The following TENM2 variants were observed in gnomAD, a reference collection of about 807,000 sequenced individuals.
TENM2 encodes the protein teneurin transmembrane protein 2.
TENM2 carries 52 observed loss-of-function variants against 245.2 expected under a neutral mutation model. That is an observed-to-expected ratio of 0.21 (90% CI 0.17 to 0.27). TENM2 has a LOEUF of 0.27. TENM2 is among the 10% of genes least tolerant of loss of function. The pLI, the probability that TENM2 is intolerant of heterozygous loss-of-function variation, is 1.00. For missense variants in TENM2, 3,046 were observed against 3,666.8 expected (o/e 0.83, Z 4.37); for synonymous variants, 1,363 against 1,438.9 (o/e 0.95, Z 1.19).
the TENM2 span, among the ~76,000 whole-genome samples, chr5:167,121,611 G>T: frequency 6.6e-6 from 1 of 152,310 alleles, no homozygotes; most frequent in Admixed American, 6.5e-5. Context: ...GGAGTCTTAG[G>T]GTCTTGCTCA....
chr5:167,927,755 G>A (rs1007169338), intron 3 of TENM2, among the ~76,000 whole-genome samples: 2 of 152,120 alleles, frequency 1.3e-5, no homozygotes, highest in Non-Finnish European at 2.9e-5. Context: ...GAGTGAGGTT[G>A]GTGTCAGGAA....
intron 2 of TENM2, among the ~76,000 whole-genome samples, chr5:167,690,583 G>A (rs761940524): frequency 1.8e-4 from 27 of 152,130 alleles, no homozygotes; most frequent in Non-Finnish European, 2.8e-4. Flanking sequence ...CTGTGAATTA[G>A]TTATCCAGGC....
At position 168,010,411 on chromosome 5, in the gene TENM2, T is replaced by G. The variant is rs574732250; in HGVS notation, c.1186+17229T>G. On this transcript the variant is annotated intron_variant, in intron 5 of 28. Coordinates refer to ENST00000518659, the Ensembl canonical transcript of TENM2. ...ATGGGTAAAATTGTAAGAGAACAGC[T>G]TACACGGTTCTTGCAAACCAACTTG... Among the ~76,000 whole-genome samples, 9 of 152,370 alleles carry G rather than the reference T, an allele frequency of 5.9e-5. No homozygotes were observed. In the East Asian group the frequency reaches 1.7e-3, roughly 29 times the overall value.
intron 5 of TENM2, among the ~76,000 whole-genome samples, chr5:168,031,487 G>A (rs1787136550): frequency 1.3e-5 from 2 of 152,130 alleles, no homozygotes; most frequent in Admixed American, 6.5e-5. Context: ...TGTGTGTCAA[G>A]CACTGAGATA....
intron 1 of TENM2, among the ~76,000 whole-genome samples, chr5:167,362,923 T>G (rs1398221060): frequency 6.6e-6 from 1 of 151,930 alleles, no homozygotes; most frequent in Admixed American, 6.6e-5. Context: ...GACTTATTGG[T>G]GTGTGTGTGT....
chr5:167,821,181 G>GTTTT (rs908023879), intron 2 of TENM2: 1 of 152,136 alleles, frequency 6.6e-6, no homozygotes, highest in African/African-American at 2.4e-5. Context: ...GTTTTGTTTT[G>GTTTT]TTTTGTTTTC....
chr5:167,829,079 G>A (rs1426118093), intron 2 of TENM2, among the ~76,000 whole-genome samples: 1 of 152,212 alleles, frequency 6.6e-6, no homozygotes, highest in Non-Finnish European at 1.5e-5. Flanking sequence ...CAGGTCAGGA[G>A]CAGTGGATTG....
chr5:167,507,550 G>A lies in TENM2; in HGVS notation c.502+132077G>A, dbSNP rs1179381346. On this transcript the variant is annotated intron_variant, in intron 2 of 28. Coordinates refer to ENST00000518659, the Ensembl canonical transcript of TENM2. ...TGTCACCACCACACACCTTCAATTC[G>A]AGATGAATGTAGGCTTCACATCACT... is the stretch of plus-strand genomic sequence containing the variant. Among the ~76,000 whole-genome samples, 4 of 152,084 alleles carry A rather than the reference G, an allele frequency of 2.6e-5. No homozygotes were observed. The South Asian group carries it at 6.2e-4, about 24-fold the overall frequency.
intron 15 of TENM2, 121 bp downstream of exon 17, chr5:168,195,416 T>C: frequency 1.4e-5 from 16 of 1,129,006 alleles, no homozygotes; most frequent in Non-Finnish European, 1.9e-5. Flanking sequence ...CCACCAGGCC[T>C]GTCCCCTAGT....
chr5:166,984,034 G>T, the TENM2 span, among the ~76,000 whole-genome samples: 31 of 152,058 alleles, frequency 2.0e-4, no homozygotes, highest in Non-Finnish European at 4.4e-4. Flanking sequence ...CTGCTCTGTT[G>T]ACTAAATTAT....
chr5:167,932,703 A>C (rs777159768), intron 3 of TENM2, among the ~76,000 whole-genome samples: 29 of 152,064 alleles, frequency 1.9e-4, no homozygotes, highest in Non-Finnish European at 3.5e-4. Context: ...TCCTATGAAG[A>C]TCCAGATAGA....
At position 168,060,885 on chromosome 5, in the gene TENM2, C is replaced by A. The variant is rs148334246; in HGVS notation, c.1310-1175C>A. 5.3e-3 allele frequency among the ~76,000 whole-genome samples: 802 copies of A among 152,280 alleles called. 6 individuals are homozygous for A. Among genetic ancestry groups the A allele is most frequent in the African/African-American group, 0.016 (662 of 41,550 alleles). ...GTTTAGGCCAGTCTTTAGCAATTTT[C>A]TCATTTCTCAGGATCATCTGAAACC... is the stretch of plus-strand genomic sequence containing the variant. On this transcript the variant is annotated intron_variant, in intron 6 of 28. Coordinates refer to ENST00000518659, the Ensembl canonical transcript of TENM2.
At chr5:168,194,062 G>A (rs756035715) in intron 14 of TENM2, among the ~76,000 whole-genome samples, 9 of 152,188 alleles carry the variant, frequency 5.9e-5, no homozygotes, top group Non-Finnish European at 1.2e-4. Context: ...AGGACACCCA[G>A]GAATGCAAAA....
At chr5:167,295,006 T>C (rs921428854) in intron 1 of TENM2, among the ~76,000 whole-genome samples, 2 of 152,188 alleles carry the variant, frequency 1.3e-5, no homozygotes, top group East Asian at 1.9e-4. Flanking sequence ...GTTATTGTTG[T>C]TATTATTCTC....
chr5:167,747,456 A>G (rs138773165), intron 2 of TENM2, among the ~76,000 whole-genome samples: 15 of 152,320 alleles, frequency 9.8e-5, no homozygotes, highest in Non-Finnish European at 1.9e-4. Flanking sequence ...ATGCTGAAAG[A>G]GCCATTTCTA....
Position 167,350,940 on chromosome 5 carries a change from G to T in TENM2, c.227-24258G>T. On this transcript the variant is annotated intron_variant, in intron 1 of 28. Transcript: ENST00000518659. ...GATATATACATATGGATATATATAT[G>T]GGATATATACATATGGATATATATA... Among the ~76,000 whole-genome samples the T allele has an allele frequency of 2.7e-5, 2 of 74,358 alleles. 1 individual carries two copies. The highest frequency in any genetic ancestry group is 5.8e-5 in the Non-Finnish European group (2 of 34,504). 48.8% of individuals were successfully genotyped at this position (74,358 alleles called of 152,430 possible).
At chr5:167,384,501 A>G (rs920781230) in intron 2 of TENM2, among the ~76,000 whole-genome samples, 3 of 152,176 alleles carry the variant, frequency 2.0e-5, no homozygotes, top group Non-Finnish European at 1.5e-5. Context: ...ATGGGAATAT[A>G]GTGATTTGAT....
chr5:167,964,592 A>G (rs1347093026), intron 4 of TENM2, among the ~76,000 whole-genome samples: 1 of 152,234 alleles, frequency 6.6e-6, no homozygotes, highest in Non-Finnish European at 1.5e-5. Context: ...CAGACAGAAC[A>G]TAAACAAATG....
the TENM2 span, among the ~76,000 whole-genome samples, chr5:167,090,243 A>T: frequency 9.6e-6 from 1 of 104,206 alleles, no homozygotes; most frequent in Non-Finnish European, 1.8e-5. Flanking sequence ...AGAATTCTTA[A>T]AAAAAAAAGA....
Sources: allele counts gnomAD v4.1 joint callset (sites outside exome capture counted in the v4.1 genomes callset), GRCh38; gene constraint gnomAD v4.1.1; transcripts MANE v1.5; gene names NCBI Gene and HGNC (gene_info 2026-07-23, HGNC 2026-07-21).